Variants in TDRD9 observed in about 807,000 individuals in gnomAD.
The protein encoded by TDRD9 is ATP-dependent RNA helicase TDRD9.
Under a neutral mutation model 172.6 loss-of-function variants are expected in TDRD9, and 124 were observed. The ratio of observed to expected loss-of-function variants is 0.72; its 90% CI spans 0.62 to 0.83. The LOEUF (loss-of-function observed/expected upper bound fraction) is 0.83. TDRD9 is among the 40% of genes least tolerant of loss of function. The pLI, the probability that TDRD9 is intolerant of heterozygous loss-of-function variation, is 0.00. For missense variants in TDRD9, 1,479 were observed against 1,714.1 expected (o/e 0.86, Z 2.42); for synonymous variants, 619 against 617.1 (o/e 1.00, Z -0.05).
intron 20 of TDRD9, among the ~76,000 whole-genome samples, chr14:104,012,946 A>T (rs1178820201): frequency 6.6e-6 from 1 of 152,096 alleles, no homozygotes; most frequent in Non-Finnish European, 1.5e-5. Flanking sequence ...ATTTTATTGC[A>T]TTTTAGTATA....
intron 18 of TDRD9, 32 bp from the exon 19 acceptor site, chr14:104,007,127 AT>A (rs1302466308): frequency 1.2e-6 from 2 of 1,603,278 alleles, no homozygotes; most frequent in Non-Finnish European, 1.7e-6. Flanking sequence ...GAGCCAACAC[AT>A]TATTTTGAAA....
At chr14:104,004,461 A>G (rs927374659) in intron 14 of TDRD9, 126 bp downstream of exon 14, 6 of 509,872 alleles carry the variant, frequency 1.2e-5, no homozygotes, top group Non-Finnish European at 2.1e-5. Context: ...GCTCACTGCA[A>G]TCTGCCTCCC....
chr14:103,993,271 G>T (rs1041428305), intron 9 of TDRD9, among the ~76,000 whole-genome samples: 2 of 152,156 alleles, frequency 1.3e-5, no homozygotes, highest in African/African-American at 4.8e-5. Flanking sequence ...GGGATTGCAG[G>T]TGTGAGCCAC....
chr14:104,025,997 G>C, intron 26 of TDRD9, 50 bp from the exon 27 acceptor site: 1 of 1,229,292 alleles, frequency 8.1e-7, no homozygotes, highest in Non-Finnish European at 1.2e-6. Context: ...GCTCAGGTAG[G>C]GCATTGTTTT....
At chr14:103,991,430 T>C (rs1240776257) in intron 9 of TDRD9, among the ~76,000 whole-genome samples, 1 of 152,140 alleles carries the variant, frequency 6.6e-6, no homozygotes, top group Non-Finnish European at 1.5e-5. Flanking sequence ...TTTTCCTTTT[T>C]CTAGATGGAG....
intron 1 of TDRD9, among the ~76,000 whole-genome samples, chr14:103,938,882 C>T (rs981677311): frequency 1.6e-4 from 25 of 152,130 alleles, no homozygotes; most frequent in Non-Finnish European, 8.8e-5. Flanking sequence ...GAAATAACTA[C>T]AGTTTTAAAT....
Position 103,980,006 on chromosome 14 carries a change from G to A in TDRD9, c.1011+4453G>A, listed in dbSNP as rs1045046623. On this transcript the variant is annotated intron_variant, in intron 7 of 35. Transcript: ENST00000409874. This position sits in a 1 kb window ranked among gnomAD's most constrained non-coding sequence, Gnocchi z 4.5. ...TTCTCCCATCTCAGCCTTCCAAGAA[G>A]CTATGACTACAGATGCATACCACCA... Among the ~76,000 whole-genome samples the A allele has an allele frequency of 1.1e-4, 16 of 151,838 alleles. No homozygotes were observed. The highest frequency in any genetic ancestry group is 3.9e-4 in the African/African-American group (16 of 41,308).
intron 1 of TDRD9, among the ~76,000 whole-genome samples, chr14:103,943,752 C>T (rs1397549757): frequency 2.0e-5 from 3 of 152,084 alleles, no homozygotes; most frequent in Non-Finnish European, 4.4e-5. Context: ...AGTGGTTTTC[C>T]CTTTTATAGT....
rs2034975167 is a variant in TDRD9 at position 104,022,186 on chromosome 14, CAG to C, written c.2468_2469del (p.Arg823IlefsTer2). 3 of 1,563,312 alleles carry C rather than the reference CAG, an allele frequency of 1.9e-6. No individual in the cohort carries two copies. The highest frequency in any genetic ancestry group is 2.4e-5 in the East Asian group (1 of 42,006). Reference sequence around the variant, plus strand: ...TTTGTGGAATTCTCACGAAATCCAACAGAGAGATTTAAAACCCTTCCTGCAGT... The same window carrying C: ...TTTGTGGAATTCTCACGAAATCCAACAGAGATTTAAAACCCTTCCTGCAGT... On this transcript the variant is annotated frameshift_variant, in exon 24 of 36. Transcript: ENST00000409874. LOFTEE classifies it high-confidence loss of function.
intron 9 of TDRD9, among the ~76,000 whole-genome samples, chr14:103,992,227 T>C (rs2033895726): frequency 6.6e-6 from 1 of 152,244 alleles, no homozygotes; most frequent in African/African-American, 2.4e-5. Flanking sequence ...ATTCAAGTGG[T>C]ATAGCTTGAT....
chr14:104,041,030 C>G (rs1293563324), intron 33 of TDRD9, among the ~76,000 whole-genome samples: 1 of 152,202 alleles, frequency 6.6e-6, no homozygotes, highest in Non-Finnish European at 1.5e-5. Flanking sequence ...AGAAATGCTA[C>G]TTTCTAAGTA....
chr14:104,016,063 GCAAGGACCC>G lies in TDRD9; in HGVS notation c.2311_2319del (p.Asp771_Lys773del). 1 of 1,603,788 alleles carries G rather than the reference GCAAGGACCC, an allele frequency of 6.2e-7. No homozygotes were observed. The highest frequency in any genetic ancestry group is 8.5e-7 in the Non-Finnish European group (1 of 1,175,428). On this transcript the variant is annotated inframe_deletion, in exon 22 of 36. Coordinates refer to ENST00000409874, the MANE Select transcript of TDRD9 (RefSeq NM_153046.3). ...GAGATGGCGGTGAGGGAGCTGGCTG[GCAAGGACCC>G]CAAGACAACTGTCGTGGTAGGTGCT... is the stretch of plus-strand genomic sequence containing the variant.
intron 1 of TDRD9, chr14:103,939,688 T>TG (rs2031060396): frequency 6.9e-6 from 1 of 144,868 alleles, no homozygotes; most frequent in Non-Finnish European, 1.5e-5. Context: ...TTTTTTTTTT[T>TG]TTTTTTTTTT....
At chr14:103,978,756 A>G (rs1261608188) in intron 7 of TDRD9, among the ~76,000 whole-genome samples, 2 of 152,168 alleles carry the variant, frequency 1.3e-5, no homozygotes, top group South Asian at 4.1e-4. Flanking sequence ...CATGACCTTT[A>G]CTGGTTGTCT....
intron 1 of TDRD9, among the ~76,000 whole-genome samples, chr14:103,954,703 A>G (rs1595910628): frequency 6.6e-6 from 1 of 152,122 alleles, no homozygotes; most frequent in African/African-American, 2.4e-5. Flanking sequence ...ATCTTGGCTC[A>G]CTGCAACCTC....
At chr14:104,041,374 G>A (rs1244514437) in intron 33 of TDRD9, among the ~76,000 whole-genome samples, 1 of 152,158 alleles carries the variant, frequency 6.6e-6, no homozygotes, top group Admixed American at 6.5e-5. Flanking sequence ...AAATTGATAC[G>A]TTTGAATTTA....
chr14:103,998,885 C>T (rs540790096), intron 13 of TDRD9, among the ~76,000 whole-genome samples, 157 bp downstream of exon 13: 4 of 152,164 alleles, frequency 2.6e-5, no homozygotes, highest in Non-Finnish European at 4.4e-5. Context: ...CTCCGCTTCC[C>T]GGGTTCTTGC....
chr14:104,049,408 A>G (rs2035877529), intron 34 of TDRD9, 200 bp from the exon 35 acceptor site: 1 of 414,448 alleles, frequency 2.4e-6, no homozygotes, highest in Non-Finnish European at 4.3e-6. Flanking sequence ...GATCTGTCAC[A>G]CTCCATTTCT....
chr14:103,947,827 A>G (rs1436131052), intron 1 of TDRD9, among the ~76,000 whole-genome samples: 1 of 152,232 alleles, frequency 6.6e-6, no homozygotes, highest in Admixed American at 6.5e-5. Context: ...AATTTCTTGG[A>G]TATGACACCA....
Sources: allele counts gnomAD v4.1 joint callset (sites outside exome capture counted in the v4.1 genomes callset), GRCh38; gene constraint gnomAD v4.1.1; non-coding constraint Gnocchi (gnomAD v3.1); transcripts MANE v1.5; gene names NCBI Gene and HGNC (gene_info 2026-07-23, HGNC 2026-07-21).